The following ZNF627 variants were observed in gnomAD, a reference collection of about 807,000 sequenced individuals.
ZNF627 encodes zinc finger protein 627.
In ZNF627, 12 loss-of-function variants were observed where a neutral mutation model predicts 10.6. That is an observed-to-expected ratio of 1.13 (90% CI 0.73 to 1.84). The LOEUF (loss-of-function observed/expected upper bound fraction) is 1.84, where lower values mean the gene tolerates loss of function less well. Ranked by LOEUF, ZNF627 falls within the 40% of genes most tolerant of loss-of-function variation. The pLI is 0.00. For missense variants in ZNF627, 504 were observed against 568.4 expected, an observed-to-expected ratio of 0.89 and a Z score of 1.15; for synonymous variants, 176 against 187.1, an observed-to-expected ratio of 0.94 and a Z score of 0.48.
Position 11,619,118 on chromosome 19 carries a change from AAT to A in ZNF627, c.*1230_*1231del, listed in dbSNP as rs1422325352. The A allele has an allele frequency of 6.6e-6, 1 of 152,180 alleles. No individual in the cohort carries two copies. The highest frequency in any genetic ancestry group is 2.4e-5 in the African/African-American group (1 of 41,450). The allele number at this position is 152,180 out of a possible 1,614,324, so 9.4% of individuals were successfully genotyped here. A position where few individuals can be genotyped will look rare whatever the true frequency, so the allele number is the denominator to read the frequency against. On this transcript the variant is annotated 3_prime_UTR_variant, in exon 4 of 4. Coordinates refer to ENST00000361113, the MANE Select transcript of ZNF627 (RefSeq NM_145295.4). ...AGAGGGTGTAATAAACTGTAATAAT[AAT>A]CATGACCACAAACCATAAAGGACTG...
At chr19:11,605,774 C>T (rs772488617) in intron 1 of ZNF627, among the ~76,000 whole-genome samples, 2 of 152,138 alleles carry the variant, frequency 1.3e-5, no homozygotes, top group Admixed American at 6.6e-5. Flanking sequence ...CATATCCTCA[C>T]ATTTTAAAAC....
chr19:11,608,793 A>T (rs998211256), intron 1 of ZNF627, among the ~76,000 whole-genome samples: 26 of 152,208 alleles, frequency 1.7e-4, no homozygotes, highest in African/African-American at 5.8e-4. Context: ...CTGGGATTAC[A>T]GGTGTGTTCC....
Position 11,616,882 on chromosome 19 carries a change from G to T in ZNF627, c.379G>T (p.Glu127Ter). 6.2e-7 allele frequency: 1 copy of T among 1,614,104 alleles called. No homozygotes were observed. Among genetic ancestry groups the T allele is most frequent in the South Asian group, 1.1e-5 (1 of 91,062 alleles). Residue 127 changes from glutamate (E) to a stop codon, truncating the protein, a stop_gained, in exon 4 of 4, where the codon GAA becomes TAA. Transcript: ENST00000361113. LOFTEE classifies it low-confidence loss of function (END_TRUNC). ...NRHIRDHTGREPNEYQEYGKK... is the reference protein window; with the variant it reads ...NRHIRDHTGR The stretch of plus-strand genomic sequence containing the variant: ...GCACATCAGAGATCACACTGGACGT[G>T]AACCAAATGAATATCAGGAATATGG...
At position 11,599,250 on chromosome 19, in the gene ZNF627, TG is replaced by T. The variant is rs149873125; in HGVS notation, c.3+1624del. Among the ~76,000 whole-genome samples the T allele has an allele frequency of 9.7e-3, 1,483 of 152,234 alleles. 25 individuals are homozygous for T. The highest frequency in any genetic ancestry group is 0.033 in the African/African-American group (1,387 of 41,540). On this transcript the variant is annotated intron_variant, in intron 1 of 3. Coordinates refer to ENST00000361113, the MANE Select transcript of ZNF627 (RefSeq NM_145295.4). Reference sequence around the variant, plus strand: ...CTCTTAGTGGAGGAGCTGGGTGTCCTGGGGTCGGAGGAATCTCTTGATATCC... The same window carrying T: ...CTCTTAGTGGAGGAGCTGGGTGTCCTGGGTCGGAGGAATCTCTTGATATCC...
chr19:11,607,905 G>T (rs938517281), intron 1 of ZNF627, among the ~76,000 whole-genome samples: 2 of 152,050 alleles, frequency 1.3e-5, no homozygotes, highest in African/African-American at 4.8e-5. Flanking sequence ...ACATTTTCAG[G>T]TATCTTTACG....
chr19:11,617,773 T>C lies in ZNF627; in HGVS notation c.1270T>C (p.Cys424Arg). 1 of 1,613,246 alleles carries C rather than the reference T, an allele frequency of 6.2e-7. No individual in the cohort carries two copies. Among genetic ancestry groups the C allele is most frequent in the Non-Finnish European group, 8.5e-7 (1 of 1,179,824 alleles). The change falls in exon 4 of 4, where the codon TGT becomes CGT. Residue 424 changes from cysteine to arginine, a missense_variant. By Grantham distance (180) the Cys-to-Arg change is radical (BLOSUM62 -3). Coordinates refer to ENST00000361113, the MANE Select transcript of ZNF627 (RefSeq NM_145295.4). ...AGAGAAACCCTATGAATGTAAGCAATGTGGGAAAGCCTTCAGTCGATCCAC... is the reference window on the plus strand; with the variant it reads ...AGAGAAACCCTATGAATGTAAGCAACGTGGGAAAGCCTTCAGTCGATCCAC... ...TGEKPYECKQ[C>R]GKAFSRSTYF...
intron 3 of ZNF627, among the ~76,000 whole-genome samples, chr19:11,615,091 C>A (rs926772303): frequency 6.6e-6 from 1 of 151,536 alleles, no homozygotes; most frequent in African/African-American, 2.4e-5. Flanking sequence ...GGACTACAGG[C>A]ACGTGCCACC....
In ZNF627 at chr19:11,616,945, T is replaced by C. The variant is rs760438525; in HGVS notation, c.442T>C (p.Leu148=). The change falls in exon 4 of 4, where the codon TTG becomes CTG. Residue 148 remains leucine (L), a synonymous_variant. Coordinates refer to ENST00000361113, the MANE Select transcript of ZNF627 (RefSeq NM_145295.4). ...SYTRNQCGRA[L]SYHRSFPVRE... is the part of the protein sequence containing the mutation. ...TACACGTAACCAGTGTGGACGAGCC[T>C]TGAGTTATCATCGCTCTTTTCCAGT... 1.2e-6 allele frequency: 2 copies of C among 1,614,146 alleles called. No homozygotes were observed. The highest frequency in any genetic ancestry group is 1.7e-6 in the Non-Finnish European group (2 of 1,180,014).
At chr19:11,615,088 A>T (rs905202965) in intron 3 of ZNF627, among the ~76,000 whole-genome samples, 18 of 151,514 alleles carry the variant, frequency 1.2e-4, no homozygotes, top group Non-Finnish European at 2.4e-4. Flanking sequence ...CTAGGACTAC[A>T]GGCACGTGCC....
Position 11,601,703 on chromosome 19 carries a change from G to A in ZNF627, c.3+4073G>A, listed in dbSNP as rs932767619. ...TAATCGAAAGGGGAGAAGGCACCAAGTATAAAATCTTCAAGCATCTCAGGC... is the reference window on the plus strand; with the variant it reads ...TAATCGAAAGGGGAGAAGGCACCAAATATAAAATCTTCAAGCATCTCAGGC... On this transcript the variant is annotated intron_variant, in intron 1 of 3. Transcript: ENST00000361113. Among the ~76,000 whole-genome samples the A allele has an allele frequency of 2.0e-5, 3 of 152,054 alleles. No homozygotes were observed. The East Asian group carries it at 5.8e-4, about 29-fold the overall frequency.
chr19:11,597,796 C>T (rs1239030839), intron 1 of ZNF627, among the ~76,000 whole-genome samples, 166 bp downstream of exon 1: 2 of 152,332 alleles, frequency 1.3e-5, no homozygotes, highest in Admixed American at 1.3e-4. Context: ...GGACCCCGGT[C>T]GTCCTGTCCC....
chr19:11,611,354 C>G (rs1261243719), intron 1 of ZNF627, among the ~76,000 whole-genome samples: 5 of 152,152 alleles, frequency 3.3e-5, no homozygotes, highest in Non-Finnish European at 5.9e-5. Flanking sequence ...GAGACAAGGT[C>G]TTGCTCTGTT....
chr19:11,604,676 T>G (rs1973643876), intron 1 of ZNF627, among the ~76,000 whole-genome samples: 2 of 152,226 alleles, frequency 1.3e-5, no homozygotes, highest in Non-Finnish European at 2.9e-5. Flanking sequence ...GTCTCAAGTT[T>G]ACAGCCTTGT....
chr19:11,618,004 T>A lies in ZNF627; in HGVS notation c.*115T>A. The A allele has an allele frequency of 1.1e-6, 1 of 884,106 alleles. No homozygotes were observed. Among genetic ancestry groups the A allele is most frequent in the Non-Finnish European group, 1.6e-6 (1 of 609,564 alleles). 54.8% of individuals were successfully genotyped at this position (884,106 alleles called of 1,614,324 possible). ...GGATTCACAGTGGAGAAAGACCCTG[T>A]AAGATAATTGGCTTTAAATTACGAG... On this transcript the variant is annotated 3_prime_UTR_variant, in exon 4 of 4. Transcript: ENST00000361113.
At chr19:11,600,623 C>G (rs1472141049) in intron 1 of ZNF627, among the ~76,000 whole-genome samples, 1 of 151,966 alleles carries the variant, frequency 6.6e-6, no homozygotes, top group Non-Finnish European at 1.5e-5. Flanking sequence ...AAAATGAATA[C>G]ATTTCCACAA....
In ZNF627 at chr19:11,617,020, G is replaced by A; in HGVS notation, c.517G>A (p.Gly173Arg). 6.2e-7 allele frequency: 1 copy of A among 1,614,056 alleles called. No individual in the cohort carries two copies. The highest frequency in any genetic ancestry group is 1.1e-5 in the South Asian group (1 of 91,082). Residue 173 changes from glycine (G) to arginine (R), a missense_variant, in exon 4 of 4, where the codon GGA (glycine) becomes AGA (arginine). Transcript: ENST00000361113. ...GGKPYDCKEC[G>R]ETFISLVSIR... is the part of the protein sequence containing the mutation. ...AAAGCCCTATGATTGTAAGGAATGT[G>A]GAGAAACCTTTATTTCTCTTGTAAG...
chr19:11,605,268 G>A (rs936069457), intron 1 of ZNF627, among the ~76,000 whole-genome samples: 3 of 151,396 alleles, frequency 2.0e-5, no homozygotes, highest in South Asian at 2.1e-4. Context: ...TGTATTTTTA[G>A]TAGAGACAAG....
intron 1 of ZNF627, among the ~76,000 whole-genome samples, chr19:11,610,047 ATTTTTT>A (rs71166614): frequency 3.5e-5 from 4 of 114,842 alleles, no homozygotes; most frequent in Non-Finnish European, 5.3e-5. Context: ...TGGGATTTGA[ATTTTTT>A]TTTTTTTTTT....
intron 1 of ZNF627, among the ~76,000 whole-genome samples, chr19:11,603,546 C>A (rs1218643363): frequency 6.6e-6 from 1 of 151,866 alleles, no homozygotes; most frequent in African/African-American, 2.4e-5. Flanking sequence ...CTATGCCTCC[C>A]AAAGTGTTGG....
Sources: gnomAD v4.1 joint callset for allele counts (sites outside exome capture counted in the v4.1 genomes callset) on GRCh38, gnomAD v4.1.1 for gene constraint, MANE v1.5 for transcripts, NCBI Gene and HGNC (gene_info 2026-07-23, HGNC 2026-07-21) for gene names.